The following FRAS1 variants were observed in gnomAD, a reference collection of about 807,000 sequenced individuals.
FRAS1 encodes the protein Fraser extracellular matrix complex subunit 1.
In FRAS1, 290 loss-of-function variants were observed where a neutral mutation model predicts 435.2. The ratio of observed to expected loss-of-function variants is 0.67; its 90% CI spans 0.61 to 0.73. The LOEUF (loss-of-function observed/expected upper bound fraction) is 0.73. Ranked by LOEUF, FRAS1 falls within the 30% of genes least tolerant of loss-of-function variation. The pLI is 0.00. For missense variants in FRAS1, 4,860 were observed against 5,001.5 expected, an observed-to-expected ratio of 0.97 and a Z score of 0.85; for synonymous variants, 1,800 against 1,851.0, an observed-to-expected ratio of 0.97 and a Z score of 0.71.
intron 2 of FRAS1, among the ~76,000 whole-genome samples, chr4:78,067,667 T>A (rs1740104297): frequency 1.6e-5 from 2 of 129,022 alleles, no homozygotes; most frequent in Non-Finnish European, 1.6e-5. Flanking sequence ...TTTTTTTTTC[T>A]TTCTTTTATT....
At chr4:78,184,984 A>G (rs1006840753) in intron 2 of FRAS1, among the ~76,000 whole-genome samples, 2 of 152,076 alleles carry the variant, frequency 1.3e-5, no homozygotes, top group East Asian at 1.9e-4. Context: ...TCACATCTTC[A>G]TTTTTCAGCA....
intron 56 of FRAS1, among the ~76,000 whole-genome samples, chr4:78,481,421 C>T (rs1233291685): frequency 2.6e-5 from 4 of 152,178 alleles, no homozygotes; most frequent in African/African-American, 4.8e-5. Context: ...TCCCTGAGGC[C>T]CCAGGCTCTA....
chr4:78,402,642 G>A (rs557297726), intron 30 of FRAS1, among the ~76,000 whole-genome samples: 67 of 152,196 alleles, frequency 4.4e-4, no homozygotes, highest in Non-Finnish European at 8.8e-4. Context: ...TTGAAACCAG[G>A]AAATTAACAC....
At chr4:78,068,424 T>C (rs949655836) in intron 2 of FRAS1, 1 of 437,188 alleles carries the variant, frequency 2.3e-6, no homozygotes, top group Non-Finnish European at 4.6e-6. Context: ...AGCAGAAATG[T>C]AAAGTCTGAA....
At chr4:78,312,358 T>C (rs978813286) in intron 15 of FRAS1, among the ~76,000 whole-genome samples, 1 of 152,080 alleles carries the variant, frequency 6.6e-6, no homozygotes, top group Non-Finnish European at 1.5e-5. Flanking sequence ...TAGAAATTTC[T>C]AAATTTCCAT....
At chr4:78,315,541 G>C in intron 15 of FRAS1, 53 bp from the exon 16 acceptor site, 1 of 1,546,024 alleles carries the variant, frequency 6.5e-7, no homozygotes, top group Non-Finnish European at 8.7e-7. Context: ...AGACTTCACT[G>C]CTTCTTTTGC....
chr4:78,381,010 C>T (rs1731992367), intron 27 of FRAS1, among the ~76,000 whole-genome samples: 1 of 152,160 alleles, frequency 6.6e-6, no homozygotes, highest in Admixed American at 6.5e-5. Context: ...TGCTAGTCTA[C>T]AGATAAGGAA....
At chr4:78,420,879 CATATATATATATATATATATATAT>C (rs72430754) in intron 33 of FRAS1, among the ~76,000 whole-genome samples, 24,134 of 95,946 alleles carry the variant, frequency 0.25, 2,998 homozygotes, top group Admixed American at 0.3. Flanking sequence ...ACTAATAGGA[CATATATATATATATATATATATAT>C]ATATATATAT....
At chr4:78,482,103 C>A in intron 57 of FRAS1, 139 bp downstream of exon 57, 1 of 925,788 alleles carries the variant, frequency 1.1e-6, no homozygotes, top group Non-Finnish European at 1.6e-6. Context: ...CATACATAAA[C>A]AAGAGAGTTA....
chr4:78,441,342 G>C, intron 41 of FRAS1, 45 bp downstream of exon 41: 8 of 1,566,832 alleles, frequency 5.1e-6, no homozygotes, highest in Non-Finnish European at 7.0e-6. Context: ...GAGAAGGGAG[G>C]GGAGAGGGAG....
intron 5 of FRAS1, 39 bp downstream of exon 5, chr4:78,252,590 G>A (rs756189601): frequency 6.3e-7 from 1 of 1,584,768 alleles, no homozygotes; most frequent in East Asian, 2.3e-5. Context: ...TCTTTGCTTG[G>A]GAGGTTCACA....
At chr4:78,227,296 T>G (rs900536558) in intron 2 of FRAS1, among the ~76,000 whole-genome samples, 7 of 152,246 alleles carry the variant, frequency 4.6e-5, no homozygotes, top group African/African-American at 1.7e-4. Flanking sequence ...CACTTTTTCT[T>G]GGTGCAGTTA....
chr4:78,365,753 A>C (rs1279776108), intron 22 of FRAS1, among the ~76,000 whole-genome samples: 22 of 64,552 alleles, frequency 3.4e-4, no homozygotes, highest in Non-Finnish European at 4.6e-4. Context: ...AAAAAAAACA[A>C]AAAAAAAAAA....
intron 50 of FRAS1, among the ~76,000 whole-genome samples, chr4:78,469,331 T>TTGCA (rs1227034030): frequency 6.6e-6 from 1 of 152,214 alleles, no homozygotes; most frequent in Non-Finnish European, 1.5e-5. Context: ...GATGTGTGTG[T>TTGCA]TGCATGCATG....
rs548358301 is a variant in FRAS1, at chr4:78,379,955, C to T, written c.3522C>T (p.Asn1174=). ...GCCGTTTTAGCTGGAAAGATGTGAACGAGAAGAAAGTGCGTTTTGTGCACA... is the reference window on the plus strand; with the variant it reads ...GCCGTTTTAGCTGGAAAGATGTGAATGAGAAGAAAGTGCGTTTTGTGCACA... The part of the protein sequence containing the change: ...KAGRFSWKDV[N]EKKVRFVHSK... The change falls in exon 27 of 74, where the codon AAC becomes AAT. Residue 1174 remains asparagine (N), a synonymous_variant. Coordinates refer to ENST00000512123, the MANE Select transcript of FRAS1 (RefSeq NM_025074.7). 9 of 1,613,614 alleles carry T rather than the reference C, an allele frequency of 5.6e-6. No homozygotes were observed. Among genetic ancestry groups the T allele is most frequent in the Middle Eastern group, 3.3e-4 (2 of 6,056 alleles).
intron 30 of FRAS1, among the ~76,000 whole-genome samples, chr4:78,406,460 A>T (rs534246860): frequency 2.0e-5 from 3 of 152,300 alleles, no homozygotes; most frequent in East Asian, 3.9e-4. Context: ...GGCAGCAGCA[A>T]GAGAAAATGA....
At chr4:78,362,981 A>G (rs1345089690) in intron 20 of FRAS1, among the ~76,000 whole-genome samples, 1 of 152,202 alleles carries the variant, frequency 6.6e-6, no homozygotes. Context: ...GCAGGCAAAC[A>G]GGAATATAAG....
intron 2 of FRAS1, among the ~76,000 whole-genome samples, chr4:78,152,474 C>T (rs902813134): frequency 1.3e-5 from 2 of 152,080 alleles, no homozygotes; most frequent in Admixed American, 6.6e-5. Context: ...TCGGTACAGG[C>T]TTTAATTCAG....
rs1242504995 is a variant in FRAS1 at position 78,317,519 on chromosome 4, T to C, written c.1960+11T>C. The C allele has an allele frequency of 6.2e-7, 1 of 1,607,214 alleles. No homozygotes were observed. Among genetic ancestry groups the C allele is most frequent in the Middle Eastern group, 1.7e-4 (1 of 6,050 alleles). ...ATGGAGTCTGCAAAGGTATCGTTGG[T>C]GTCACCATCATTCTTGAGAGGCTAT... On this transcript the variant is annotated intron_variant, in intron 17 of 73. Transcript: ENST00000512123.
Sources: allele counts gnomAD v4.1 joint callset (sites outside exome capture counted in the v4.1 genomes callset), GRCh38; gene constraint gnomAD v4.1.1; transcripts MANE v1.5; gene names NCBI Gene and HGNC (gene_info 2026-07-23, HGNC 2026-07-21).